CRADD: variants seen among roughly 807,000 people sequenced by gnomAD.
CRADD encodes the protein CARD and death domain containing adaptor protein.
CRADD carries 9 observed loss-of-function variants against 15.5 expected under a neutral mutation model. That is an observed-to-expected ratio of 0.58 (90% CI 0.35 to 1.01). CRADD has a LOEUF of 1.01. Among genes scored for constraint, CRADD ranks in the 50% least tolerant of loss-of-function variants. CRADD has a pLI of 0.02. For synonymous variants in CRADD, 118 were observed against 107.6 expected (o/e 1.10, Z -0.60); for missense variants, 227 against 250.3 (o/e 0.91, Z 0.63).
At chr12:93,704,711 T>C (rs1365218563) in intron 2 of CRADD, among the ~76,000 whole-genome samples, 1 of 152,176 alleles carries the variant, frequency 6.6e-6, no homozygotes, top group Non-Finnish European at 1.5e-5. Context: ...GAATCAGAGC[T>C]CCTCACCAGG....
chr12:93,767,840 T>C (rs2136956966), intron 2 of CRADD, among the ~76,000 whole-genome samples: 1 of 152,350 alleles, frequency 6.6e-6, no homozygotes, highest in Middle Eastern at 3.4e-3. Flanking sequence ...TTAAATGCAA[T>C]CAATACAAGT....
At chr12:93,733,884 C>T (rs1266100474) in intron 2 of CRADD, among the ~76,000 whole-genome samples, 5 of 151,916 alleles carry the variant, frequency 3.3e-5, no homozygotes, top group African/African-American at 7.3e-5. Flanking sequence ...TACAGGCATG[C>T]GCTACCACAC....
intron 2 of CRADD, among the ~76,000 whole-genome samples, chr12:93,841,832 T>C (rs961081919): frequency 1.3e-5 from 2 of 151,906 alleles, no homozygotes; most frequent in East Asian, 3.9e-4. Flanking sequence ...TTCGCTCAGC[T>C]TTTTTTTCTA....
chr12:93,840,551 A>G (rs1258617140), intron 2 of CRADD, among the ~76,000 whole-genome samples: 1 of 132,524 alleles, frequency 7.5e-6, no homozygotes, highest in Non-Finnish European at 1.6e-5. Context: ...ATTTATAACT[A>G]ACTAATTTCT....
At chr12:93,745,054 C>T (rs898077202) in intron 2 of CRADD, among the ~76,000 whole-genome samples, 11 of 152,096 alleles carry the variant, frequency 7.2e-5, no homozygotes, top group Admixed American at 7.2e-4. Context: ...ACCTAGCTGC[C>T]ACTTACTCAT....
At chr12:93,817,079 A>G (rs1209313951) in intron 2 of CRADD, among the ~76,000 whole-genome samples, 1 of 151,934 alleles carries the variant, frequency 6.6e-6, no homozygotes, top group Admixed American at 6.6e-5. Flanking sequence ...TTCTCATTGT[A>G]TCTTAATCTC....
intron 2 of CRADD, among the ~76,000 whole-genome samples, chr12:93,822,412 C>A (rs1442768531): frequency 6.6e-6 from 1 of 152,078 alleles, no homozygotes; most frequent in Non-Finnish European, 1.5e-5. Context: ...GCCTTGACAA[C>A]CCCCACATCC....
At chr12:93,688,666 G>T (rs145640089) in intron 2 of CRADD, among the ~76,000 whole-genome samples, 3 of 152,088 alleles carry the variant, frequency 2.0e-5, no homozygotes, top group Non-Finnish European at 2.9e-5. Flanking sequence ...GAGGGAGGTG[G>T]TATTATTACC....
At chr12:93,703,359 C>CT (rs34708379) in intron 2 of CRADD, among the ~76,000 whole-genome samples, 4,983 of 136,476 alleles carry the variant, frequency 0.037, 198 homozygotes, top group African/African-American at 0.1. Context: ...TTTTCTTTTT[C>CT]TTTTTTTTTT....
At chr12:93,705,829 T>C (rs1338774668) in intron 2 of CRADD, among the ~76,000 whole-genome samples, 1 of 152,242 alleles carries the variant, frequency 6.6e-6, no homozygotes, top group Non-Finnish European at 1.5e-5. Context: ...GTCACTAAAT[T>C]TGCTTTCGCG....
At chr12:93,713,548 G>A (rs1318867730) in intron 2 of CRADD, among the ~76,000 whole-genome samples, 1 of 151,364 alleles carries the variant, frequency 6.6e-6, no homozygotes, top group Non-Finnish European at 1.5e-5. Context: ...AATCATCTCT[G>A]GATAATTTAT....
At chr12:93,763,500 G>A (rs528271558) in intron 2 of CRADD, among the ~76,000 whole-genome samples, 4 of 151,346 alleles carry the variant, frequency 2.6e-5, no homozygotes, top group South Asian at 2.1e-4. Flanking sequence ...TTGAGTTTTC[G>A]AATCTGAAAT....
chr12:93,790,963 T>C (rs1475390249), intron 2 of CRADD, among the ~76,000 whole-genome samples: 2 of 146,694 alleles, frequency 1.4e-5, no homozygotes, highest in African/African-American at 5.1e-5. Flanking sequence ...TACAGATGAC[T>C]AATCACTCCC....
intron 2 of CRADD, among the ~76,000 whole-genome samples, chr12:93,797,564 A>C (rs1323277139): frequency 6.6e-6 from 1 of 151,946 alleles, no homozygotes. Flanking sequence ...TTTTTCCTAC[A>C]TCTTGAAGGG....
intron 2 of CRADD, among the ~76,000 whole-genome samples, chr12:93,721,526 G>A (rs1484143665): frequency 6.6e-6 from 1 of 151,910 alleles, no homozygotes; most frequent in Admixed American, 6.6e-5. Context: ...AACCAACTGT[G>A]GATCAGAATA....
chr12:93,693,535 A>C (rs1281842529), intron 2 of CRADD, among the ~76,000 whole-genome samples: 2 of 152,086 alleles, frequency 1.3e-5, no homozygotes, highest in African/African-American at 4.8e-5. Context: ...TCAATTCATT[A>C]AGAAGGTATA....
At chr12:93,738,082 G>C in intron 2 of CRADD, 1 of 496,324 alleles carries the variant, frequency 2.0e-6, no homozygotes, top group Admixed American at 3.7e-5. Context: ...TTTACTGTAA[G>C]TGTTGAATTG....
chr12:93,893,769 G>A (rs1055589203), intron 2 of CRADD, among the ~76,000 whole-genome samples: 5 of 152,142 alleles, frequency 3.3e-5, no homozygotes, highest in Non-Finnish European at 5.9e-5. Context: ...AGCCAGGCGC[G>A]GTAGCATGTG....
At chr12:93,706,048 T>C (rs949073184) in intron 2 of CRADD, among the ~76,000 whole-genome samples, 6 of 152,228 alleles carry the variant, frequency 3.9e-5, no homozygotes, top group African/African-American at 1.4e-4. Context: ...TCTGGACTTG[T>C]CTTATAAAAA....
Sources: allele counts gnomAD v4.1 joint callset (sites outside exome capture counted in the v4.1 genomes callset), GRCh38; gene constraint gnomAD v4.1.1; transcripts MANE v1.5; gene names NCBI Gene and HGNC (gene_info 2026-07-23, HGNC 2026-07-21).